Variants in RAB20 observed in about 807,000 individuals in gnomAD.
RAB20 encodes the protein RAB20, member RAS oncogene family.
In RAB20, 2 loss-of-function variants were observed where a neutral mutation model predicts 3.7. The observed-to-expected ratio is 0.54, with a 90% confidence interval of 0.22 to 1.69. RAB20 has a LOEUF of 1.69. Among genes scored for constraint, RAB20 ranks in the 40% most tolerant of loss-of-function variants. RAB20 has a pLI of 0.19. For missense variants in RAB20, 276 were observed against 311.9 expected (o/e 0.88, Z 0.87); for synonymous variants, 126 against 130.8 (o/e 0.96, Z 0.25).
intron 1 of RAB20, among the ~76,000 whole-genome samples, chr13:110,560,737 C>A (rs1162555734): frequency 6.6e-6 from 1 of 151,026 alleles, no homozygotes; most frequent in Non-Finnish European, 1.5e-5. Flanking sequence ...TAACTCATTA[C>A]CTATCTTAAA....
At chr13:110,525,849 C>T (rs535118417) in intron 1 of RAB20, among the ~76,000 whole-genome samples, 6 of 152,370 alleles carry the variant, frequency 3.9e-5, no homozygotes, top group African/African-American at 1.2e-4. Context: ...ACCTGCCTCT[C>T]GAGGACCGAG....
chr13:110,541,100 A>C (rs1884753534), intron 1 of RAB20, among the ~76,000 whole-genome samples: 1 of 152,144 alleles, frequency 6.6e-6, no homozygotes, highest in African/African-American at 2.4e-5. Context: ...TCATCAACCC[A>C]AGGTGAGAGC....
intron 1 of RAB20, among the ~76,000 whole-genome samples, chr13:110,532,179 T>C (rs529516483): frequency 2.6e-5 from 4 of 152,094 alleles, no homozygotes; most frequent in Non-Finnish European, 5.9e-5. Context: ...GGGGCTGGCA[T>C]TTGTATCAGC....
chr13:110,553,039 C>A (rs770497622), intron 1 of RAB20, among the ~76,000 whole-genome samples: 6 of 152,208 alleles, frequency 3.9e-5, no homozygotes, highest in Non-Finnish European at 8.8e-5. Flanking sequence ...CCAATTAATT[C>A]TCTTTCCCCC....
At chr13:110,533,629 G>A (rs530637378) in intron 1 of RAB20, among the ~76,000 whole-genome samples, 2 of 151,990 alleles carry the variant, frequency 1.3e-5, no homozygotes, top group Non-Finnish European at 2.9e-5. Context: ...TTGGGCTGCA[G>A]TGAGCTGGGA....
intron 1 of RAB20, among the ~76,000 whole-genome samples, chr13:110,538,466 T>C (rs192623520): frequency 1.4e-5 from 2 of 147,380 alleles, no homozygotes; most frequent in Non-Finnish European, 3.0e-5. Context: ...ATTAGCAGGG[T>C]GTGGTGGTGC....
Position 110,524,054 on chromosome 13 carries a change from A to G in RAB20, c.316T>C (p.Cys106Arg). 1 of 1,614,070 alleles carries G rather than the reference A, an allele frequency of 6.2e-7. No individual in the cohort carries two copies. The highest frequency in any genetic ancestry group is 8.5e-7 in the Non-Finnish European group (1 of 1,180,024). ...TTGTTCCCCACGATGGCAAAGAGGC[A>G]GTCTTTGCTGGCTGTGTCTGTCAGG... ...LGLTDTASKDCLFAIVGNKVD... is the reference protein window; with the variant it reads ...LGLTDTASKDRLFAIVGNKVD... The change falls in exon 2 of 2, where the codon TGC becomes CGC. Residue 106 changes from cysteine (C) to arginine (R), a missense_variant. By Grantham distance (180) the Cys-to-Arg change is radical (BLOSUM62 -3). Transcript: ENST00000267328.
chr13:110,549,720 A>AT (rs11408895), intron 1 of RAB20, among the ~76,000 whole-genome samples: 121,936 of 146,844 alleles, frequency 0.83, 52,058 homozygotes, highest in South Asian at 0.95. Flanking sequence ...ACTTTTTTAA[A>AT]TTTTTTTTTT....
Position 110,555,108 on chromosome 13 carries a change from C to A in RAB20, c.172+6240G>T, listed in dbSNP as rs1885017951. Among the ~76,000 whole-genome samples, 1 of 152,094 alleles carries A rather than the reference C, an allele frequency of 6.6e-6. No homozygotes were observed. The highest frequency in any genetic ancestry group is 6.6e-5 in the Admixed American group (1 of 15,260). ...AGGAGCCTTGTGAAAAGGATGTAGC[C>A]CGGGAGTATGGAGCCTGCACAGAGC... On this transcript the variant is annotated intron_variant, in intron 1 of 1. Coordinates refer to ENST00000267328, the MANE Select transcript of RAB20 (RefSeq NM_017817.3). This position sits in a 1 kb window ranked among gnomAD's most constrained non-coding sequence, Gnocchi z 4.0.
At chr13:110,559,970 G>C (rs1379804431) in intron 1 of RAB20, among the ~76,000 whole-genome samples, 1 of 152,164 alleles carries the variant, frequency 6.6e-6, no homozygotes, top group Non-Finnish European at 1.5e-5. Flanking sequence ...CTTGCTACTT[G>C]TAAACCAAGG....
intron 1 of RAB20, among the ~76,000 whole-genome samples, chr13:110,538,473 G>A (rs1427612559): frequency 1.1e-4 from 17 of 150,810 alleles, no homozygotes; most frequent in Non-Finnish European, 2.2e-4. Context: ...GGGTGTGGTG[G>A]TGCATCCCTG....
intron 1 of RAB20, among the ~76,000 whole-genome samples, chr13:110,548,620 TC>T (rs1884895686): frequency 6.6e-6 from 1 of 151,994 alleles, no homozygotes; most frequent in Admixed American, 6.6e-5. Context: ...TCTGTTCTGT[TC>T]CTTTTTTATG....
intron 1 of RAB20, among the ~76,000 whole-genome samples, chr13:110,546,564 C>G (rs912731176): frequency 6.6e-6 from 1 of 152,160 alleles, no homozygotes; most frequent in African/African-American, 2.4e-5. Context: ...TTGATGCACT[C>G]AGCGGCTCTG....
chr13:110,545,155 C>T (rs1028680935), intron 1 of RAB20, among the ~76,000 whole-genome samples: 7 of 152,132 alleles, frequency 4.6e-5, no homozygotes, highest in Non-Finnish European at 8.8e-5. Context: ...AGCATGAACA[C>T]GGATTAACAC....
intron 1 of RAB20, among the ~76,000 whole-genome samples, chr13:110,525,182 T>C (rs6492280): frequency 0.72 from 109,528 of 151,804 alleles, 39,588 homozygotes; most frequent in African/African-American, 0.74. Flanking sequence ...ACACTTTCCA[T>C]GAGGAAACTG....
At chr13:110,534,673 C>T (rs976616561) in intron 1 of RAB20, among the ~76,000 whole-genome samples, 1 of 152,194 alleles carries the variant, frequency 6.6e-6, no homozygotes, top group African/African-American at 2.4e-5. Context: ...CTACTGTGCA[C>T]CCCAGGGGGC....
chr13:110,543,801 A>C (rs893605492), intron 1 of RAB20, among the ~76,000 whole-genome samples: 1 of 136,510 alleles, frequency 7.3e-6, no homozygotes, highest in Non-Finnish European at 1.5e-5. Flanking sequence ...TTTGAGACGG[A>C]GTCTCACTCT....
chr13:110,539,466 T>C (rs4393429), intron 1 of RAB20, among the ~76,000 whole-genome samples: 51,684 of 151,450 alleles, frequency 0.34, 9,926 homozygotes, highest in African/African-American at 0.52. Flanking sequence ...AACTGCAACA[T>C]ATGAGGCAGA....
At chr13:110,552,981 T>C (rs1022431834) in intron 1 of RAB20, among the ~76,000 whole-genome samples, 4 of 152,194 alleles carry the variant, frequency 2.6e-5, no homozygotes, top group Non-Finnish European at 5.9e-5. Flanking sequence ...TGCTCTGCAA[T>C]CTCCGAGTAT....
Sources: gnomAD v4.1 joint callset for allele counts (sites outside exome capture counted in the v4.1 genomes callset) on GRCh38, gnomAD v4.1.1 for gene constraint, Gnocchi (gnomAD v3.1) non-coding constraint, MANE v1.5 for transcripts, NCBI Gene and HGNC (gene_info 2026-07-23, HGNC 2026-07-21) for gene names.